RFPL4A: variants seen among roughly 807,000 people sequenced by gnomAD.
RFPL4A encodes ret finger protein-like 4A.
In RFPL4A, 4 loss-of-function variants were observed where a neutral mutation model predicts 8.3. The ratio of observed to expected loss-of-function variants is 0.48; its 90% CI spans 0.24 to 1.10. The LOEUF is 1.10. Among genes scored for constraint, RFPL4A ranks in the 50% least tolerant of loss-of-function variants. The probability of loss-of-function intolerance (pLI) is 0.18; values close to 1 mark genes in which losing one functional copy is unlikely to be tolerated. For missense variants in RFPL4A, 111 were observed against 358.7 expected (o/e 0.31, Z 5.58); for synonymous variants, 43 against 136.6 (o/e 0.31, Z 4.78).
At chr19:55,757,848 C>T (rs1201098838), upstream of RFPL4A, among the ~76,000 whole-genome samples, 1 of 151,498 alleles carries the variant, frequency 6.6e-6, no homozygotes, top group East Asian at 1.9e-4. Context: ...ACAACTGAGG[C>T]CACCTGGTAT....
At position 55,763,372 on chromosome 19, in the gene RFPL4A, T is replaced by C. The variant is rs2122399275; in HGVS notation, c.*197T>C. Among the ~76,000 whole-genome samples the C allele has an allele frequency of 6.7e-6, 1 of 150,122 alleles. No individual in the cohort carries two copies. The highest frequency in any genetic ancestry group is 1.5e-5 in the Non-Finnish European group (1 of 67,982). On this transcript the variant is annotated 3_prime_UTR_variant, in exon 3 of 3. Transcript: ENST00000434937. ...CTTAAAGTTTGTCATGTTGTTTTCT[T>C]TGGGGCTTATGTTTATATTTCTGTT...
chr19:55,760,574 T>G (rs1989261196), intron 1 of RFPL4A, among the ~76,000 whole-genome samples: 1 of 151,532 alleles, frequency 6.6e-6, no homozygotes, highest in Admixed American at 6.6e-5. Context: ...GAGGTACCCA[T>G]TTTTGTACTA....
At position 55,759,697 on chromosome 19, in the gene RFPL4A, TAA is replaced by T. The variant is rs1257071174; in HGVS notation, c.-10+523_-10+524del. Among the ~76,000 whole-genome samples the T allele has an allele frequency of 1.6e-4, 25 of 151,680 alleles. No homozygotes were observed. The East Asian group carries it at 4.9e-3, about 30-fold the overall frequency. On this transcript the variant is annotated intron_variant, in intron 1 of 2. Coordinates refer to ENST00000434937, the MANE Select transcript of RFPL4A (RefSeq NM_001145014.2). ...CCAGGATGGGGATTCATTATTTCTT[TAA>T]TTGTTTTGAGACAGGGTCTCGCTCT...
intron 1 of RFPL4A, among the ~76,000 whole-genome samples, chr19:55,760,161 C>A (rs977702468): frequency 1.3e-5 from 2 of 151,726 alleles, no homozygotes; most frequent in African/African-American, 4.9e-5. Flanking sequence ...TCCCACCAAC[C>A]GTGCACAAGG....
upstream of RFPL4A, among the ~76,000 whole-genome samples, chr19:55,757,528 T>G (rs1176780609): frequency 2.0e-5 from 3 of 151,540 alleles, no homozygotes; most frequent in African/African-American, 7.3e-5. Flanking sequence ...AAGGACAGGT[T>G]TTTATTCAAA....
rs1231660281 is a variant in RFPL4A at position 55,759,177 on chromosome 19, T to A, written c.-10+2T>A. 2 of 152,400 alleles carry A rather than the reference T, an allele frequency of 1.3e-5. No homozygotes were observed. The highest frequency in any genetic ancestry group is 2.9e-5 in the Non-Finnish European group (2 of 67,858). The allele number at this position is 152,400 out of a possible 1,614,324, so 9.4% of individuals were successfully genotyped here. On this transcript the variant is annotated splice_donor_variant, in intron 1 of 2. Transcript: ENST00000434937. LOFTEE classifies it low-confidence loss of function (5UTR_SPLICE). ...AGGGGAGAAACTCCAGAAGGAGAGG[T>A]GAGTTCAATCTTATGGAATTCATTT...
chr19:55,761,256 A>T (rs370323647), intron 1 of RFPL4A, among the ~76,000 whole-genome samples: 1,240 of 109,784 alleles, frequency 0.011, 11 homozygotes, highest in Middle Eastern at 0.025. Flanking sequence ...CAATAGAAAC[A>T]TAAGATAACC....
intron 1 of RFPL4A, among the ~76,000 whole-genome samples, chr19:55,760,618 C>A (rs902286198): frequency 6.6e-6 from 1 of 151,506 alleles, no homozygotes; most frequent in African/African-American, 2.4e-5. Flanking sequence ...CGTGACACTG[C>A]AGAATGTGTG....
chr19:55,758,377 G>C (rs1270916621), upstream of RFPL4A, among the ~76,000 whole-genome samples: 3 of 152,204 alleles, frequency 2.0e-5, no homozygotes, highest in Non-Finnish European at 1.5e-5. Flanking sequence ...CTGACCTCCA[G>C]TCTCCCACTT....
At chr19:55,757,930 G>A (rs1989203875), upstream of RFPL4A, among the ~76,000 whole-genome samples, 1 of 152,248 alleles carries the variant, frequency 6.6e-6, no homozygotes, top group East Asian at 1.9e-4. Flanking sequence ...TGAGGGATCA[G>A]TGCTCCAGGA....
At chr19:55,759,768 G>A (rs889125475) in intron 1 of RFPL4A, among the ~76,000 whole-genome samples, 3 of 151,194 alleles carry the variant, frequency 2.0e-5, no homozygotes, top group Admixed American at 6.6e-5. Flanking sequence ...GATTCTATGA[G>A]ATCAGTCAAC....
chr19:55,758,301 C>T (rs1231937611), upstream of RFPL4A, among the ~76,000 whole-genome samples: 2 of 152,304 alleles, frequency 1.3e-5, no homozygotes, highest in Admixed American at 1.3e-4. Context: ...AGAATGATTA[C>T]TGTGGAGATG....
chr19:55,761,534 G>A (rs1366802001), intron 1 of RFPL4A, among the ~76,000 whole-genome samples: 1 of 143,362 alleles, frequency 7.0e-6, no homozygotes, highest in Non-Finnish European at 1.5e-5. Context: ...CAGTTCAGGT[G>A]TAGACTCCTT....
At chr19:55,758,123 T>C (rs930262480), upstream of RFPL4A, among the ~76,000 whole-genome samples, 2 of 152,172 alleles carry the variant, frequency 1.3e-5, no homozygotes, top group Non-Finnish European at 2.9e-5. Context: ...ATGTGGCAGA[T>C]TATATTATAG....
At chr19:55,760,572 C>T (rs542532155) in intron 1 of RFPL4A, among the ~76,000 whole-genome samples, 1 of 151,458 alleles carries the variant, frequency 6.6e-6, no homozygotes, top group East Asian at 2.0e-4. Context: ...GTGAGGTACC[C>T]ATTTTTGTAC....
chr19:55,761,082 TTCC>T (rs1989271389), intron 1 of RFPL4A, among the ~76,000 whole-genome samples: 1 of 133,032 alleles, frequency 7.5e-6, no homozygotes, highest in Non-Finnish European at 1.6e-5. Flanking sequence ...GTTCTGGTTT[TTCC>T]TTTTTTTTTT....
At chr19:55,758,519 C>G (rs377415116), upstream of RFPL4A, among the ~76,000 whole-genome samples, 5 of 151,322 alleles carry the variant, frequency 3.3e-5, no homozygotes, top group African/African-American at 1.2e-4. Context: ...TAGATTGTAA[C>G]AGTAACGTTT....
upstream of RFPL4A, among the ~76,000 whole-genome samples, chr19:55,758,612 T>C (rs1444985370): frequency 4.0e-5 from 6 of 151,608 alleles, no homozygotes; most frequent in Non-Finnish European, 2.9e-5. Context: ...TTTTGGGATT[T>C]CTTTCCTAAG....
intron 1 of RFPL4A, among the ~76,000 whole-genome samples, chr19:55,761,363 T>A (rs1004940480): frequency 7.3e-6 from 1 of 137,714 alleles, no homozygotes; most frequent in African/African-American, 2.7e-5. Flanking sequence ...TCGTTTAACA[T>A]GTGAGCAACT....
Sources: gnomAD v4.1 joint callset for allele counts (sites outside exome capture counted in the v4.1 genomes callset) on GRCh38, gnomAD v4.1.1 for gene constraint, MANE v1.5 for transcripts, NCBI Gene and HGNC (gene_info 2026-07-23, HGNC 2026-07-21) for gene names.